Variants in EYS observed in about 807,000 individuals in gnomAD.
EYS encodes protein eyes shut homolog.
A neutral mutation model predicts 282.1 loss-of-function variants in EYS; 250 were observed. That is an observed-to-expected ratio of 0.89 (90% confidence interval 0.80 to 0.98). EYS has a LOEUF of 0.98. EYS is among the 50% of genes least tolerant of loss of function. The pLI, the probability that EYS is intolerant of heterozygous loss-of-function variation, is 0.00. For missense variants in EYS, 4,016 were observed against 3,709.0 expected (o/e 1.08, Z -2.15); for synonymous variants, 1,355 against 1,282.9 (o/e 1.06, Z -1.20).
At chr6:65,215,723 T>C (rs1459646751) in intron 12 of EYS, among the ~76,000 whole-genome samples, 3 of 152,154 alleles carry the variant, frequency 2.0e-5, no homozygotes, top group South Asian at 2.1e-4. Flanking sequence ...GTAAATTTCA[T>C]TGTTGTGTTA....
intron 24 of EYS, among the ~76,000 whole-genome samples, chr6:64,607,057 G>T (rs891852659): frequency 6.6e-6 from 1 of 151,644 alleles, no homozygotes; most frequent in African/African-American, 2.4e-5. Context: ...TAAAAAAAAA[G>T]ACTCCTAAGC....
chr6:64,133,220 A>C (rs1774042895), intron 31 of EYS, among the ~76,000 whole-genome samples: 1 of 151,960 alleles, frequency 6.6e-6, no homozygotes, highest in South Asian at 2.1e-4. Flanking sequence ...TTTTTTATTT[A>C]AATATTAAAA....
At chr6:64,024,914 G>A (rs1769409640) in intron 33 of EYS, among the ~76,000 whole-genome samples, 1 of 152,186 alleles carries the variant, frequency 6.6e-6, no homozygotes, top group Non-Finnish European at 1.5e-5. Context: ...TGAAGTCAGT[G>A]AGACCAAGAA....
intron 26 of EYS, among the ~76,000 whole-genome samples, chr6:64,467,980 T>G (rs1238188575): frequency 6.6e-6 from 1 of 152,020 alleles, no homozygotes; most frequent in Admixed American, 6.6e-5. Flanking sequence ...ATTAACAACA[T>G]GTATACTACT....
intron 31 of EYS, among the ~76,000 whole-genome samples, chr6:64,098,194 CAAGG>C (rs1391402557): frequency 1.3e-5 from 2 of 152,028 alleles, no homozygotes; most frequent in Admixed American, 1.3e-4. Flanking sequence ...CAAATGTACT[CAAGG>C]AAGCATATGT....
rs190431267 is a variant in EYS, at chr6:65,450,548, A to G, written c.862+40046T>C. Among the ~76,000 whole-genome samples the G allele has an allele frequency of 2.0e-3, 308 of 152,254 alleles. 1 individual carries two copies. Among genetic ancestry groups the G allele is most frequent in the Non-Finnish European group, 3.7e-3 (251 of 68,028 alleles). On this transcript the variant is annotated intron_variant, in intron 5 of 42. Coordinates refer to ENST00000503581, the MANE Select transcript of EYS (RefSeq NM_001142800.2). ...AGCTGACCCAGTGATTTATGAAGCT[A>G]AAAATGACCAATCAGAGTTGTTTTG...
Position 64,251,321 on chromosome 6 carries a change from GAGAACTACT to G in EYS, c.6192-20506_6192-20498del, listed in dbSNP as rs151183763. Among the ~76,000 whole-genome samples the G allele has an allele frequency of 4.8e-3, 725 of 152,210 alleles. 5 individuals are homozygous for G. The highest frequency in any genetic ancestry group is 0.016 in the African/African-American group (670 of 41,546). On this transcript the variant is annotated intron_variant, in intron 30 of 42. Transcript: ENST00000503581. ...TTTATGTACTGAACATCATATTTCAGAGAACTACTAGAACTATTTCAGGTGAGAATATGT... is the reference window on the plus strand; with the variant it reads ...TTTATGTACTGAACATCATATTTCAGAGAACTATTTCAGGTGAGAATATGT...
Position 65,067,635 on chromosome 6 carries a change from G to A in EYS, c.2024-9908C>T, listed in dbSNP as rs367908148. On this transcript the variant is annotated intron_variant, in intron 12 of 42. Coordinates refer to ENST00000503581, the MANE Select transcript of EYS (RefSeq NM_001142800.2). ...AACTAGAAAACATAATTAACTACTA[G>A]GAGGAGTAAAGAGACACCTAAAAAA... 5.5e-4 allele frequency among the ~76,000 whole-genome samples: 83 copies of A among 152,116 alleles called. 1 individual carries two copies. The highest frequency in any genetic ancestry group is 1.8e-3 in the African/African-American group (75 of 41,526).
intron 5 of EYS, among the ~76,000 whole-genome samples, chr6:65,417,025 GAA>G (rs1767267354): frequency 6.6e-6 from 1 of 151,960 alleles, no homozygotes; most frequent in South Asian, 2.1e-4. Context: ...AACATTTAAT[GAA>G]AATACTCAGT....
intron 7 of EYS, among the ~76,000 whole-genome samples, chr6:65,396,273 T>C (rs545544718): frequency 1.3e-5 from 2 of 152,284 alleles, no homozygotes; most frequent in South Asian, 2.1e-4. Flanking sequence ...CCATAATATA[T>C]AACTACATCA....
chr6:65,555,222 T>C (rs1768751830), intron 2 of EYS, among the ~76,000 whole-genome samples: 1 of 152,106 alleles, frequency 6.6e-6, no homozygotes, highest in Non-Finnish European at 1.5e-5. Flanking sequence ...AAAACGACCA[T>C]GAAATAAACT....
chr6:64,269,925 C>T (rs1259554215), intron 30 of EYS, among the ~76,000 whole-genome samples: 6 of 151,766 alleles, frequency 4.0e-5, no homozygotes, highest in Admixed American at 3.9e-4. Context: ...AGGACAATTC[C>T]TATTTTTTAA....
At chr6:65,657,208 C>G (rs546380119) in intron 1 of EYS, among the ~76,000 whole-genome samples, 28 of 151,968 alleles carry the variant, frequency 1.8e-4, no homozygotes, top group Non-Finnish European at 3.4e-4. Flanking sequence ...AATGGAGAAG[C>G]ATGTTGCTTT....
chr6:65,501,227 G>A (rs1562225542), intron 2 of EYS, among the ~76,000 whole-genome samples: 1 of 151,798 alleles, frequency 6.6e-6, no homozygotes, highest in Non-Finnish European at 1.5e-5. Context: ...ATGTATACAT[G>A]TGCGTTTGTC....
intron 36 of EYS, among the ~76,000 whole-genome samples, chr6:63,851,721 A>G (rs908631287): frequency 4.6e-5 from 7 of 152,228 alleles, no homozygotes; most frequent in East Asian, 1.9e-4. Context: ...AGAAAGTGGG[A>G]AGGCTCTAAA....
intron 22 of EYS, among the ~76,000 whole-genome samples, chr6:64,655,033 A>T (rs1163801303): frequency 6.6e-6 from 1 of 152,176 alleles, no homozygotes; most frequent in Non-Finnish European, 1.5e-5. Flanking sequence ...TGTGATAGAA[A>T]GTTTTACCTT....
intron 12 of EYS, among the ~76,000 whole-genome samples, chr6:65,260,685 A>G (rs1767596748): frequency 1.3e-5 from 2 of 152,108 alleles, no homozygotes; most frequent in South Asian, 4.1e-4. Flanking sequence ...TGAAATACAC[A>G]TTTAAGATTA....
At chr6:63,964,912 T>C (rs1161653793) in intron 35 of EYS, among the ~76,000 whole-genome samples, 1 of 152,186 alleles carries the variant, frequency 6.6e-6, no homozygotes, top group Non-Finnish European at 1.5e-5. Flanking sequence ...TGCCAACAGA[T>C]ACTGCCAGGT....
chr6:64,559,949 C>G (rs745749212), intron 26 of EYS, among the ~76,000 whole-genome samples: 1 of 152,040 alleles, frequency 6.6e-6, no homozygotes, highest in Non-Finnish European at 1.5e-5. Flanking sequence ...GTGTGTTGTT[C>G]TCCTCTTTGA....
Sources: allele counts gnomAD v4.1 joint callset (sites outside exome capture counted in the v4.1 genomes callset), GRCh38; gene constraint gnomAD v4.1.1; transcripts MANE v1.5; gene names NCBI Gene and HGNC (gene_info 2026-07-23, HGNC 2026-07-21).